The following ST3GAL4 variants were observed in gnomAD, a reference collection of about 807,000 sequenced individuals.
ST3GAL4 encodes the protein CMP-N-acetylneuraminate-beta-galactosamide-alpha-2,3-sialyltransferase 4.
Under a neutral mutation model 42.6 loss-of-function variants are expected in ST3GAL4, and 24 were observed. The ratio of observed to expected loss-of-function variants is 0.56; its 90% CI spans 0.41 to 0.79. The LOEUF (loss-of-function observed/expected upper bound fraction) is 0.79. Among genes scored for constraint, ST3GAL4 ranks in the 30% least tolerant of loss-of-function variants. The pLI, the probability that ST3GAL4 is intolerant of heterozygous loss-of-function variation, is 0.00. For missense variants in ST3GAL4, 311 were observed against 430.8 expected (o/e 0.72, Z 2.46); for synonymous variants, 135 against 163.2 (o/e 0.83, Z 1.32).
In ST3GAL4 at chr11:126,384,605, G is replaced by A; in HGVS notation, c.-60-21491G>A. ...AGCCCTTCTGGGAAGGCTGAATGGGGCGGAACTGGTCAGGGCCTGGCACCA... is the reference window on the plus strand; with the variant it reads ...AGCCCTTCTGGGAAGGCTGAATGGGACGGAACTGGTCAGGGCCTGGCACCA... On this transcript the variant is annotated intron_variant, in intron 1 of 10. Transcript: ENST00000444328. This position sits in a 1 kb window ranked among gnomAD's most constrained non-coding sequence, Gnocchi z 5.5. 1.1e-6 allele frequency: 1 copy of A among 891,584 alleles called. No individual in the cohort carries two copies. Among genetic ancestry groups the A allele is most frequent in the Non-Finnish European group, 1.3e-6 (1 of 744,338 alleles). The allele number at this position is 891,584 out of a possible 1,614,324, so 55.2% of individuals were successfully genotyped here. A position where few individuals can be genotyped will look rare whatever the true frequency, so the allele number is the denominator to read the frequency against.
intron 1 of ST3GAL4, among the ~76,000 whole-genome samples, chr11:126,388,679 T>TTTTTTTTTTTTTTTC (rs1239186575): frequency 8.2e-5 from 10 of 122,640 alleles, no homozygotes; most frequent in African/African-American, 1.4e-4. Flanking sequence ...TTTTTTTTTT[T>TTTTTTTTTTTTTTTC]TTCTGATTTA....
rs958461226 is a variant in ST3GAL4, at chr11:126,383,704, G to A, written c.-60-22392G>A. ...GCCGGTGTGAGCTGCAGGGACCGGAGAGCTGCTGGAAGGGGCTGTCTATGC... is the reference window on the plus strand; with the variant it reads ...GCCGGTGTGAGCTGCAGGGACCGGAAAGCTGCTGGAAGGGGCTGTCTATGC... On this transcript the variant is annotated intron_variant, in intron 1 of 10. Transcript: ENST00000444328. This position sits in a 1 kb window ranked among gnomAD's most constrained non-coding sequence, Gnocchi z 4.5. Among the ~76,000 whole-genome samples, 10 of 152,152 alleles carry A rather than the reference G, an allele frequency of 6.6e-5. No individual in the cohort carries two copies. The highest frequency in any genetic ancestry group is 3.2e-3 in the Middle Eastern group (1 of 316).
chr11:126,405,697 A>G (rs1265843405), intron 1 of ST3GAL4: 1 of 240,740 alleles, frequency 4.2e-6, no homozygotes, highest in Non-Finnish European at 8.3e-6. Context: ...AAGCCCTCAC[A>G]CAGTGAGTTG....
Position 126,400,817 on chromosome 11 carries a change from T to A in ST3GAL4, c.-60-5279T>A, listed in dbSNP as rs1467540867. On this transcript the variant is annotated intron_variant, in intron 1 of 10. Transcript: ENST00000444328. This position sits in a 1 kb window ranked among gnomAD's most constrained non-coding sequence, Gnocchi z 4.6. ...GGAGCTGGAGGGCTGCACTGTGAAG[T>A]ATTTCTCAGAGTCTAGACAATGTGA... is the stretch of plus-strand genomic sequence containing the variant. 6.6e-6 allele frequency among the ~76,000 whole-genome samples: 1 copy of A among 152,194 alleles called. No homozygotes were observed. The highest frequency in any genetic ancestry group is 2.4e-5 in the African/African-American group (1 of 41,440).
intron 4 of ST3GAL4, 51 bp downstream of exon 4, chr11:126,407,074 A>G (rs1954270208): frequency 6.4e-7 from 1 of 1,574,348 alleles, no homozygotes; most frequent in African/African-American, 1.4e-5. Context: ...GCGAGCTGGG[A>G]TTGAGGGTTT....
rs1953099523 is a variant in ST3GAL4 at position 126,383,656 on chromosome 11, G to A, written c.-60-22440G>A. ...TAGTGTGTTTGTGCTGGAGGAGCCT[G>A]TGTAGGTTACTGACATGGGAGGGCC... On this transcript the variant is annotated intron_variant, in intron 1 of 10. Coordinates refer to ENST00000444328, the MANE Select transcript of ST3GAL4 (RefSeq NM_001254757.2). The surrounding 1 kb of genome is among the most constrained non-coding windows in gnomAD (Gnocchi z 4.5). 6.6e-6 allele frequency among the ~76,000 whole-genome samples: 1 copy of A among 152,160 alleles called. No homozygotes were observed. Among genetic ancestry groups the A allele is most frequent in the Non-Finnish European group, 1.5e-5 (1 of 68,024 alleles).
chr11:126,394,882 C>T (rs1953679735), intron 1 of ST3GAL4, among the ~76,000 whole-genome samples: 1 of 152,012 alleles, frequency 6.6e-6, no homozygotes, highest in East Asian at 1.9e-4. Context: ...AACAGAGAGT[C>T]TTCTTTTGCT....
intron 1 of ST3GAL4, among the ~76,000 whole-genome samples, chr11:126,374,255 C>A (rs1318988930): frequency 1.3e-5 from 2 of 151,832 alleles, no homozygotes; most frequent in African/African-American, 4.8e-5. Context: ...AGTTCGAGAC[C>A]AGCCTGGACA....
At position 126,388,767 on chromosome 11, in the gene ST3GAL4, C is replaced by CTTTTT. The variant is rs10683946; in HGVS notation, c.-60-17312_-60-17308dup. Among the ~76,000 whole-genome samples, 16 of 52,034 alleles carry CTTTTT rather than the reference C, an allele frequency of 3.1e-4. 1 individual carries two copies. Among genetic ancestry groups the CTTTTT allele is most frequent in the African/African-American group, 1.1e-3 (12 of 11,004 alleles). The allele number at this position is 52,034 out of a possible 152,430, so 34.1% of individuals were successfully genotyped here. ...CAAATGTACTTTAGTTTTTCAGTGT[C>CTTTTT]TTTTTTTTTTTTTTTTTTTTTGAGA... On this transcript the variant is annotated intron_variant, in intron 1 of 10. Transcript: ENST00000444328.
At position 126,406,791 on chromosome 11, in the gene ST3GAL4, C is replaced by G; in HGVS notation, c.102-152C>G. ...GCAGGGGCAGGAAGACCTGGATCCT[C>G]AAGGACTTGGGTTCCAAGTGGAACT... is the stretch of plus-strand genomic sequence containing the variant. On this transcript the variant is annotated intron_variant, in intron 3 of 10. Coordinates refer to ENST00000444328, the MANE Select transcript of ST3GAL4 (RefSeq NM_001254757.2). This position sits in a 1 kb window ranked among gnomAD's most constrained non-coding sequence, Gnocchi z 5.4. The G allele has an allele frequency of 2.1e-6, 2 of 947,028 alleles. No individual in the cohort carries two copies. Among genetic ancestry groups the G allele is most frequent in the Non-Finnish European group, 3.2e-6 (2 of 621,190 alleles). 58.7% of individuals were successfully genotyped at this position (947,028 alleles called of 1,614,324 possible).
Position 126,408,427 on chromosome 11 carries a change from C to G in ST3GAL4, c.558C>G (p.Leu186=). The G allele has an allele frequency of 1.9e-6, 3 of 1,614,254 alleles. No homozygotes were observed. Among genetic ancestry groups the G allele is most frequent in the Non-Finnish European group, 2.5e-6 (3 of 1,180,046 alleles). The part of the protein sequence containing the change: ...DPKVENNPDT[L]LVLVAFKAMD... Reference sequence around the variant, plus strand: ...AAGTAGAAAACAACCCAGACACACTCCTCGTCCTGGTAGCTTTCAAGGCAA... The same window carrying G: ...AAGTAGAAAACAACCCAGACACACTGCTCGTCCTGGTAGCTTTCAAGGCAA... The change falls in exon 8 of 11, where the codon CTC becomes CTG. Residue 186 remains leucine, a synonymous_variant. Transcript: ENST00000444328.
chr11:126,384,256 C>T lies in ST3GAL4; in HGVS notation c.-60-21840C>T, dbSNP rs894160694. On this transcript the variant is annotated intron_variant, in intron 1 of 10. Transcript: ENST00000444328. This position sits in a 1 kb window ranked among gnomAD's most constrained non-coding sequence, Gnocchi z 5.5. ...ATGGGAGGTGGGAGTACAAGGTCTG[C>T]CGAGTGAGGCAGAGGAAAGGGGTTT... Among the ~76,000 whole-genome samples the T allele has an allele frequency of 6.6e-6, 1 of 152,134 alleles. No homozygotes were observed. The highest frequency in any genetic ancestry group is 2.4e-5 in the African/African-American group (1 of 41,418).
At chr11:126,407,837 G>A (rs1412968680) in intron 6 of ST3GAL4, among the ~76,000 whole-genome samples, 4 of 152,040 alleles carry the variant, frequency 2.6e-5, no homozygotes, top group East Asian at 3.9e-4. Flanking sequence ...TGGGGCAGGC[G>A]TTTCTCATTG....
rs929556873 is a variant in ST3GAL4 at position 126,392,779 on chromosome 11, G to A, written c.-60-13317G>A. Among the ~76,000 whole-genome samples, 8 of 152,164 alleles carry A rather than the reference G, an allele frequency of 5.3e-5. No homozygotes were observed. Among genetic ancestry groups the A allele is most frequent in the Non-Finnish European group, 1.0e-4 (7 of 68,040 alleles). ...TAACTGCCACAAAGTTAATAAAGCA[G>A]CATGATGTGACAGAGCTGGATGTGG... On this transcript the variant is annotated intron_variant, in intron 1 of 10. Coordinates refer to ENST00000444328, the MANE Select transcript of ST3GAL4 (RefSeq NM_001254757.2). The surrounding 1 kb of genome is among the most constrained non-coding windows in gnomAD (Gnocchi z 5.8).
chr11:126,373,763 T>C lies in ST3GAL4; in HGVS notation c.-61+17921T>C, dbSNP rs1952737408. 6.6e-6 allele frequency among the ~76,000 whole-genome samples: 1 copy of C among 152,084 alleles called. No individual in the cohort carries two copies. The highest frequency in any genetic ancestry group is 2.4e-5 in the African/African-American group (1 of 41,406). ...CCTCCCATGCATGACCCTGAGGCAGTTAGCTGGTCAGTTACTCACTGTGCT... is the reference window on the plus strand; with the variant it reads ...CCTCCCATGCATGACCCTGAGGCAGCTAGCTGGTCAGTTACTCACTGTGCT... On this transcript the variant is annotated intron_variant, in intron 1 of 10. Coordinates refer to ENST00000444328, the MANE Select transcript of ST3GAL4 (RefSeq NM_001254757.2). This position sits in a 1 kb window ranked among gnomAD's most constrained non-coding sequence, Gnocchi z 5.5.
chr11:126,392,275 C>T lies in ST3GAL4; in HGVS notation c.-60-13821C>T. On this transcript the variant is annotated intron_variant, in intron 1 of 10. Coordinates refer to ENST00000444328, the MANE Select transcript of ST3GAL4 (RefSeq NM_001254757.2). This position sits in a 1 kb window ranked among gnomAD's most constrained non-coding sequence, Gnocchi z 5.8. ...GATTTCCTGGGTATTAGGGTGTCCT[C>T]AAGCCTGCAGCTCTCCTGGGACTGC... The T allele has an allele frequency of 1.0e-6, 1 of 979,648 alleles. No individual in the cohort carries two copies. The highest frequency in any genetic ancestry group is 1.2e-6 in the Non-Finnish European group (1 of 824,238). 60.7% of individuals were successfully genotyped at this position (979,648 alleles called of 1,614,324 possible). A position where few individuals can be genotyped will look rare whatever the true frequency, so the allele number is the denominator to read the frequency against.
At chr11:126,412,067 C>T (rs1289164492) in intron 9 of ST3GAL4, among the ~76,000 whole-genome samples, 1 of 152,012 alleles carries the variant, frequency 6.6e-6, no homozygotes, top group African/African-American at 2.4e-5. Flanking sequence ...GATTTCTGAC[C>T]AATTCTGGGT....
In ST3GAL4 at chr11:126,414,265, G is replaced by A. The variant is rs988221852; in HGVS notation, c.*218G>A. The A allele has an allele frequency of 1.7e-6, 1 of 583,330 alleles. No homozygotes were observed. Among genetic ancestry groups the A allele is most frequent in the Admixed American group, 3.0e-5 (1 of 33,812 alleles). 36.1% of individuals were successfully genotyped at this position (583,330 alleles called of 1,614,324 possible). On this transcript the variant is annotated 3_prime_UTR_variant, in exon 11 of 11. Transcript: ENST00000444328. The stretch of plus-strand genomic sequence containing the variant: ...GGGTGGGGGCGCTGGAGCCGTGGGA[G>A]CCCGGCCAGGGCAGGGGGCTCGTTG...
At position 126,409,929 on chromosome 11, in the gene ST3GAL4, G is replaced by A. The variant is rs1018823856; in HGVS notation, c.771+518G>A. On this transcript the variant is annotated intron_variant, in intron 9 of 10. Transcript: ENST00000444328. This position sits in a 1 kb window ranked among gnomAD's most constrained non-coding sequence, Gnocchi z 4.9. ...GTTTTTGTTTTGTTTTAAAGATAGC[G>A]TCTCACTCTGCCACCCAGGATTGGG... 4.6e-5 allele frequency among the ~76,000 whole-genome samples: 7 copies of A among 152,112 alleles called. No individual in the cohort carries two copies. The highest frequency in any genetic ancestry group is 7.2e-5 in the African/African-American group (3 of 41,418).
Sources: gnomAD v4.1 joint callset for allele counts (sites outside exome capture counted in the v4.1 genomes callset) on GRCh38, gnomAD v4.1.1 for gene constraint, Gnocchi (gnomAD v3.1) non-coding constraint, MANE v1.5 for transcripts, NCBI Gene and HGNC (gene_info 2026-07-23, HGNC 2026-07-21) for gene names.